Variants in PDSS2 observed in about 807,000 individuals in gnomAD.
The protein encoded by PDSS2 is all trans-polyprenyl-diphosphate synthase PDSS2.
In PDSS2, 31 loss-of-function variants were observed where a neutral mutation model predicts 44.5. The ratio of observed to expected loss-of-function variants is 0.70; its 90% confidence interval spans 0.52 to 0.94. The LOEUF (loss-of-function observed/expected upper bound fraction) is 0.94, where lower values mean the gene tolerates loss of function less well. PDSS2 is among the 40% of genes least tolerant of loss of function. PDSS2 has a pLI of 0.00. For missense variants in PDSS2, 452 were observed against 482.2 expected, an observed-to-expected ratio of 0.94 and a Z score of 0.59; for synonymous variants, 157 against 180.3, an observed-to-expected ratio of 0.87 and a Z score of 1.03.
intron 4 of PDSS2, among the ~76,000 whole-genome samples, chr6:107,220,595 G>T (rs1773569338): frequency 6.6e-6 from 1 of 150,936 alleles, no homozygotes; most frequent in African/African-American, 2.4e-5. Flanking sequence ...TAAAATCAAA[G>T]ATTCAGTTTT....
chr6:107,194,859 C>A (rs962445082), intron 6 of PDSS2, among the ~76,000 whole-genome samples: 2 of 151,766 alleles, frequency 1.3e-5, no homozygotes, highest in African/African-American at 4.8e-5. Flanking sequence ...GCTGAGGAGA[C>A]AAGAAAATCG....
chr6:107,240,103 G>A (rs1321869294), intron 4 of PDSS2, among the ~76,000 whole-genome samples: 1 of 152,058 alleles, frequency 6.6e-6, no homozygotes, highest in East Asian at 1.9e-4. Flanking sequence ...GGGAACTCTT[G>A]ACCATTTAAA....
intron 1 of PDSS2, among the ~76,000 whole-genome samples, chr6:107,401,842 T>C (rs1251433574): frequency 6.6e-6 from 1 of 151,042 alleles, no homozygotes; most frequent in Non-Finnish European, 1.5e-5. Flanking sequence ...CAGACAACAA[T>C]TAAAAAAAAA....
At chr6:107,362,307 C>T (rs1778804788) in intron 1 of PDSS2, among the ~76,000 whole-genome samples, 1 of 152,108 alleles carries the variant, frequency 6.6e-6, no homozygotes, top group Admixed American at 6.5e-5. Flanking sequence ...GAATGTGCTC[C>T]GAAGCTCACA....
intron 1 of PDSS2, among the ~76,000 whole-genome samples, chr6:107,365,710 T>C (rs574613432): frequency 7.6e-4 from 115 of 152,234 alleles, no homozygotes; most frequent in Non-Finnish European, 1.2e-3. Flanking sequence ...GTCACCACAA[T>C]AGAGCTGGAA....
chr6:107,184,090 A>C (rs1772082114), intron 7 of PDSS2, among the ~76,000 whole-genome samples: 1 of 152,150 alleles, frequency 6.6e-6, no homozygotes. Context: ...GTGATGTTGT[A>C]TGGCATATTT....
chr6:107,382,288 C>T (rs1201182063), intron 1 of PDSS2, among the ~76,000 whole-genome samples: 1 of 151,982 alleles, frequency 6.6e-6, no homozygotes, highest in East Asian at 1.9e-4. Flanking sequence ...CCACCACCAC[C>T]ACCACCATAA....
intron 6 of PDSS2, among the ~76,000 whole-genome samples, chr6:107,208,285 CTTTT>C (rs1164014672): frequency 5.6e-5 from 3 of 53,298 alleles, no homozygotes; most frequent in Admixed American, 3.2e-4. Context: ...CATGCCTGGC[CTTTT>C]TTTTTTTTTT....
At position 107,210,536 on chromosome 6, in the gene PDSS2, T is replaced by C. The variant is rs1216981711; in HGVS notation, c.911A>G (p.Lys304Arg). 1 of 1,602,414 alleles carries C rather than the reference T, an allele frequency of 6.2e-7. No individual in the cohort carries two copies. Among genetic ancestry groups the C allele is most frequent in the South Asian group, 1.1e-5 (1 of 90,850 alleles). The change falls in exon 6 of 8, where the codon AAG becomes AGG. Residue 304 changes from lysine to arginine, a missense_variant. Transcript: ENST00000369037. ...NSDVQPFIKE[K>R]TSDSMTFNLN... ...ATTAAAAGTCATGGAGTCACTGGTC[T>C]TTTCTTTAATAAAAGGCTGGACATC... is the stretch of plus-strand genomic sequence containing the variant.
chr6:107,376,075 C>T (rs971390864), intron 1 of PDSS2, among the ~76,000 whole-genome samples: 7 of 152,142 alleles, frequency 4.6e-5, no homozygotes, highest in African/African-American at 7.2e-5. Context: ...TAGTTGTAGA[C>T]ATCTGGCGTT....
chr6:107,301,119 G>T (rs966572983), intron 2 of PDSS2, among the ~76,000 whole-genome samples: 1 of 152,214 alleles, frequency 6.6e-6, no homozygotes, highest in East Asian at 1.9e-4. Flanking sequence ...AAATTTGAAA[G>T]AATGTATGAA....
At chr6:107,275,446 C>G (rs1775746778) in intron 2 of PDSS2, among the ~76,000 whole-genome samples, 1 of 152,050 alleles carries the variant, frequency 6.6e-6, no homozygotes. Context: ...TTTCCAAGCT[C>G]CTGCATGATC....
At chr6:107,168,543 C>T (rs1358126125) in intron 7 of PDSS2, among the ~76,000 whole-genome samples, 3 of 151,226 alleles carry the variant, frequency 2.0e-5, no homozygotes, top group African/African-American at 4.9e-5. Flanking sequence ...TTATTTTGCT[C>T]GTTACTGGAT....
At chr6:107,421,676 A>T (rs1381122855) in intron 1 of PDSS2, among the ~76,000 whole-genome samples, 1 of 151,872 alleles carries the variant, frequency 6.6e-6, no homozygotes, top group African/African-American at 2.4e-5. Flanking sequence ...TTAGGAAAGG[A>T]GGAAAATTCC....
At chr6:107,351,438 T>A (rs1299790832) in intron 1 of PDSS2, among the ~76,000 whole-genome samples, 1 of 152,184 alleles carries the variant, frequency 6.6e-6, no homozygotes, top group Non-Finnish European at 1.5e-5. Flanking sequence ...TATTTGTGTA[T>A]GGGTAGAAAC....
At chr6:107,452,820 C>A (rs1359319796) in intron 1 of PDSS2, among the ~76,000 whole-genome samples, 2 of 151,910 alleles carry the variant, frequency 1.3e-5, no homozygotes, top group Non-Finnish European at 2.9e-5. Context: ...GTGCACATCA[C>A]CACGCCCAGC....
At chr6:107,238,384 T>A (rs1774301022) in intron 4 of PDSS2, among the ~76,000 whole-genome samples, 1 of 152,210 alleles carries the variant, frequency 6.6e-6, no homozygotes, top group African/African-American at 2.4e-5. Flanking sequence ...ATAGTCAAAT[T>A]CATCGTAATG....
At chr6:107,385,405 T>C (rs971152786) in intron 1 of PDSS2, among the ~76,000 whole-genome samples, 3 of 152,062 alleles carry the variant, frequency 2.0e-5, no homozygotes, top group African/African-American at 7.2e-5. Context: ...AAAAACATCC[T>C]GTTATCCTCT....
intron 1 of PDSS2, among the ~76,000 whole-genome samples, chr6:107,342,755 T>C (rs1196993662): frequency 2.0e-5 from 3 of 151,944 alleles, no homozygotes; most frequent in African/African-American, 7.3e-5. Context: ...TGAATAAGAG[T>C]TCAAAATTCT....
Sources: gnomAD v4.1 joint callset for allele counts (sites outside exome capture counted in the v4.1 genomes callset) on GRCh38, gnomAD v4.1.1 for gene constraint, MANE v1.5 for transcripts, NCBI Gene and HGNC (gene_info 2026-07-23, HGNC 2026-07-21) for gene names.